OTUD7B: variants seen among roughly 807,000 people sequenced by gnomAD.
OTUD7B encodes OTU domain-containing protein 7B.
In OTUD7B, 34 loss-of-function variants were observed where a neutral mutation model predicts 82.2. That is an observed-to-expected ratio of 0.41 (90% CI 0.31 to 0.55). OTUD7B has a LOEUF of 0.55. Among genes scored for constraint, OTUD7B ranks in the 20% least tolerant of loss-of-function variants. OTUD7B has a pLI of 0.20. For missense variants in OTUD7B, 944 were observed against 1,062.1 expected (o/e 0.89, Z 1.55); for synonymous variants, 398 against 402.7 (o/e 0.99, Z 0.14).
chr1:149,939,944 G>C lies in OTUD7B; in HGVS notation c.*3913C>G, dbSNP rs1006077100. On this transcript the variant is annotated 3_prime_UTR_variant, in exon 12 of 12. Transcript: ENST00000581312. ...ACTCCGTCTCAAACCAAAAAAAAAA[G>C]AAAGAAAGAAAAAGGAAAAAGAAAG... The C allele has an allele frequency of 6.9e-6, 1 of 145,938 alleles. No individual in the cohort carries two copies. The highest frequency in any genetic ancestry group is 1.5e-5 in the Non-Finnish European group (1 of 67,670). 9.0% of individuals were successfully genotyped at this position (145,938 alleles called of 1,614,324 possible). A position where few individuals can be genotyped will look rare whatever the true frequency, so the allele number is the denominator to read the frequency against.
At chr1:150,018,309 C>G in the OTUD7B span, among the ~76,000 whole-genome samples, 2 of 152,160 alleles carry the variant, frequency 1.3e-5, no homozygotes, top group Non-Finnish European at 2.9e-5. Context: ...GGAAGGGAAA[C>G]TGAGGGGCCA....
At chr1:150,059,460 C>G in the OTUD7B span, among the ~76,000 whole-genome samples, 3 of 151,444 alleles carry the variant, frequency 2.0e-5, no homozygotes, top group Non-Finnish European at 2.9e-5. Context: ...TCCTCCTCCT[C>G]CCAGGTTCAA....
At chr1:150,031,502 T>C in the OTUD7B span, among the ~76,000 whole-genome samples, 4 of 152,182 alleles carry the variant, frequency 2.6e-5, no homozygotes, top group African/African-American at 9.7e-5. Context: ...GCAATAAATG[T>C]GCATTTTTAA....
the OTUD7B span, among the ~76,000 whole-genome samples, chr1:150,026,832 T>TC: frequency 1.3e-5 from 2 of 152,168 alleles, no homozygotes; most frequent in African/African-American, 4.8e-5. Flanking sequence ...CCTTACCCTT[T>TC]CTGCAGATTG....
chr1:150,039,591 T>G, the OTUD7B span, among the ~76,000 whole-genome samples: 1 of 152,236 alleles, frequency 6.6e-6, no homozygotes, highest in Admixed American at 6.5e-5. Flanking sequence ...TTAGCCAGGA[T>G]AGGCTCAATC....
At chr1:149,954,779 A>G (rs1456463235) in intron 7 of OTUD7B, among the ~76,000 whole-genome samples, 1 of 152,038 alleles carries the variant, frequency 6.6e-6, no homozygotes, top group Non-Finnish European at 1.5e-5. Flanking sequence ...GGGAGGGTGT[A>G]TGTGTCCAGG....
chr1:150,019,293 AC>A, the OTUD7B span, among the ~76,000 whole-genome samples: 1 of 151,910 alleles, frequency 6.6e-6, no homozygotes, highest in African/African-American at 2.4e-5. Context: ...TACTCTTCAC[AC>A]CCTGCCTGAA....
chr1:150,029,647 C>T, the OTUD7B span, among the ~76,000 whole-genome samples: 852 of 152,276 alleles, frequency 5.6e-3, 3 homozygotes, highest in African/African-American at 0.02. Context: ...TCAGAGTCCA[C>T]AGTCTCCAGG....
At chr1:150,024,977 G>T in the OTUD7B span, among the ~76,000 whole-genome samples, 1 of 152,088 alleles carries the variant, frequency 6.6e-6, no homozygotes, top group Non-Finnish European at 1.5e-5. Flanking sequence ...GAACCCAGGA[G>T]GCAGAGGTTG....
the OTUD7B span, among the ~76,000 whole-genome samples, chr1:150,049,235 T>C: frequency 5.3e-5 from 8 of 152,194 alleles, no homozygotes; most frequent in African/African-American, 1.9e-4. Context: ...CTCAATTCAA[T>C]GTTCTTTTCA....
At chr1:149,985,547 G>A (rs115341877) in intron 1 of OTUD7B, among the ~76,000 whole-genome samples, 1,695 of 152,188 alleles carry the variant, frequency 0.011, 39 homozygotes, top group African/African-American at 0.039. Context: ...AGACCAGCCT[G>A]AGCAATGTAG....
chr1:150,027,520 G>GAGGCTACACTGAGCTGAGATC, the OTUD7B span, among the ~76,000 whole-genome samples: 1 of 152,252 alleles, frequency 6.6e-6, no homozygotes, highest in Non-Finnish European at 1.5e-5. Flanking sequence ...CTAGAAGGCA[G>GAGGCTACACTGAGCTGAGATC]AGGCTACACT....
chr1:150,031,393 A>C, the OTUD7B span, among the ~76,000 whole-genome samples: 3 of 152,080 alleles, frequency 2.0e-5, no homozygotes, highest in Admixed American at 2.0e-4. Context: ...CCTATTTTTT[A>C]TTTCCTCAGG....
intron 6 of OTUD7B, 112 bp from the exon 7 acceptor site, chr1:149,959,908 T>C: frequency 1.4e-6 from 1 of 696,596 alleles, no homozygotes; most frequent in South Asian, 1.7e-5. Flanking sequence ...TAGCACTTGG[T>C]TTACAAATTG....
rs1571729940 is a variant in OTUD7B, at chr1:150,001,174, A to T, written c.-67+9274T>A. On this transcript the variant is annotated intron_variant, in intron 1 of 11. Coordinates refer to ENST00000581312, the MANE Select transcript of OTUD7B (RefSeq NM_020205.4). ...TTTTAAAGGGAGTAAGACATCTAAC[A>T]AATATGACAAAATGTTAATGTCCAT... Among the ~76,000 whole-genome samples the T allele has an allele frequency of 2.0e-5, 3 of 152,318 alleles. No homozygotes were observed. The South Asian group carries it at 6.2e-4, about 32-fold the overall frequency.
chr1:150,019,590 C>G, the OTUD7B span, among the ~76,000 whole-genome samples: 1 of 152,190 alleles, frequency 6.6e-6, no homozygotes, highest in African/African-American at 2.4e-5. Context: ...TGGCCTCGAA[C>G]TCCTGAACTC....
the OTUD7B span, among the ~76,000 whole-genome samples, chr1:150,045,864 C>T: frequency 6.6e-6 from 1 of 152,076 alleles, no homozygotes; most frequent in Non-Finnish European, 1.5e-5. Context: ...ATTTATCTTA[C>T]AGAGGATATA....
At chr1:150,000,944 A>C (rs375577910) in intron 1 of OTUD7B, among the ~76,000 whole-genome samples, 6 of 152,166 alleles carry the variant, frequency 3.9e-5, no homozygotes, top group African/African-American at 1.4e-4. Context: ...GTGCCACTGC[A>C]CTCCAGCCTG....
rs1229654621 is a variant in OTUD7B, at chr1:149,941,953, T to C, written c.*1904A>G. On this transcript the variant is annotated 3_prime_UTR_variant, in exon 12 of 12. Transcript: ENST00000581312. The stretch of plus-strand genomic sequence containing the variant: ...ACAAATCTATTTTCAAAGAAAACCC[T>C]AAGAATTAATAGCCATAGGAAATTA... 6.6e-6 allele frequency: 1 copy of C among 152,186 alleles called. No individual in the cohort carries two copies. The highest frequency in any genetic ancestry group is 1.5e-5 in the Non-Finnish European group (1 of 68,038). 9.4% of individuals were successfully genotyped at this position (152,186 alleles called of 1,614,324 possible). A position where few individuals can be genotyped will look rare whatever the true frequency, so the allele number is the denominator to read the frequency against.
Sources: gnomAD v4.1 joint callset for allele counts (sites outside exome capture counted in the v4.1 genomes callset) on GRCh38, gnomAD v4.1.1 for gene constraint, MANE v1.5 for transcripts, NCBI Gene and HGNC (gene_info 2026-07-23, HGNC 2026-07-21) for gene names.